ADGRV1: variants seen among roughly 807,000 people sequenced by gnomAD.
ADGRV1 encodes the protein adhesion G protein-coupled receptor V1, also known as G-protein coupled receptor 98.
Under a neutral mutation model 596.2 loss-of-function variants are expected in ADGRV1, and 359 were observed. That is an observed-to-expected ratio of 0.60 (90% CI 0.55 to 0.66). ADGRV1 has a LOEUF of 0.66. Ranked by LOEUF, ADGRV1 falls within the 30% of genes least tolerant of loss-of-function variation. The pLI is 0.00. For missense variants in ADGRV1, 7,274 were observed against 7,575.6 expected (o/e 0.96, Z 1.48); for synonymous variants, 2,681 against 2,679.2 (o/e 1.00, Z -0.02).
Position 90,751,615 on chromosome 5 carries a change from C to T in ADGRV1, c.11121+918C>T, listed in dbSNP as rs189151983. Among the ~76,000 whole-genome samples the T allele has an allele frequency of 8.5e-4, 130 of 152,238 alleles. 1 individual carries two copies. The highest frequency in any genetic ancestry group is 6.0e-3 in the South Asian group (29 of 4,822). On this transcript the variant is annotated intron_variant, in intron 53 of 89. Transcript: ENST00000405460. ...GGATCAGAGAGCCTTTTGTTCCTAG[C>T]TGGAAGATGGGTTGTCTTCTTGGCT...
chr5:90,971,250 A>G (rs1257855127), intron 84 of ADGRV1, among the ~76,000 whole-genome samples: 2 of 152,224 alleles, frequency 1.3e-5, no homozygotes, highest in Non-Finnish European at 2.9e-5. Context: ...TGATGGGGAG[A>G]ATGGAACCAA....
chr5:90,810,855 C>A lies in ADGRV1; in HGVS notation c.15595C>A (p.Pro5199Thr). ...GAAACTTGTCACCCTTCATGGCACA[C>A]CTGCTGTGTCTGAAAAGCCTGATGT... is the stretch of plus-strand genomic sequence containing the variant. ...PEKLVTLHGT[P>T]AVSEKPDVAT... Residue 5199 changes from proline (P) to threonine (T), a missense_variant, in exon 74 of 90, where the codon CCT (proline) becomes ACT (threonine). Physicochemically the swap from Pro to Thr is conservative, Grantham distance 38 (BLOSUM62 -1). Transcript: ENST00000405460. 1.2e-6 allele frequency: 2 copies of A among 1,614,056 alleles called. No homozygotes were observed. Among genetic ancestry groups the A allele is most frequent in the Non-Finnish European group, 1.7e-6 (2 of 1,179,896 alleles).
At chr5:90,947,648 T>G (rs1297546731) in intron 83 of ADGRV1, among the ~76,000 whole-genome samples, 3 of 151,934 alleles carry the variant, frequency 2.0e-5, no homozygotes, top group Admixed American at 2.0e-4. Context: ...ACACCAATAT[T>G]TAAGGGAGGT....
chr5:90,895,906 A>G (rs1771264147), intron 83 of ADGRV1, among the ~76,000 whole-genome samples: 1 of 152,060 alleles, frequency 6.6e-6, no homozygotes, highest in South Asian at 2.1e-4. Flanking sequence ...TTAATTTTTT[A>G]TGAACAGTTG....
At chr5:90,569,354 GATATATAT>G (rs1185532852) in intron 1 of ADGRV1, among the ~76,000 whole-genome samples, 520 of 12,770 alleles carry the variant, frequency 0.041, 71 homozygotes, top group Non-Finnish European at 0.053. Flanking sequence ...CTGTTTGCAT[GATATATAT>G]ATATATATAT....
chr5:90,774,453 G>T, intron 60 of ADGRV1, 150 bp downstream of exon 60: 3 of 571,920 alleles, frequency 5.2e-6, no homozygotes, highest in Admixed American at 3.0e-5. Flanking sequence ...TAAAGGTTAA[G>T]AATTTTTTAA....
At chr5:91,136,683 T>C (rs1336502728) in intron 87 of ADGRV1, among the ~76,000 whole-genome samples, 1 of 152,248 alleles carries the variant, frequency 6.6e-6, no homozygotes, top group African/African-American at 2.4e-5. Context: ...TAATTGGTAT[T>C]GAAATTCCTA....
At chr5:90,913,683 T>C (rs1390778236) in intron 83 of ADGRV1, among the ~76,000 whole-genome samples, 1 of 152,190 alleles carries the variant, frequency 6.6e-6, no homozygotes, top group Non-Finnish European at 1.5e-5. Flanking sequence ...AACTCATGCT[T>C]CTCTTCCCAT....
chr5:90,793,960 A>G (rs1028481104), intron 70 of ADGRV1, among the ~76,000 whole-genome samples: 15 of 152,192 alleles, frequency 9.9e-5, no homozygotes, highest in African/African-American at 3.6e-4. Context: ...CTTCCAAGGA[A>G]CTGTTTGGGG....
At chr5:90,796,788 A>G (rs1355280173) in intron 70 of ADGRV1, among the ~76,000 whole-genome samples, 1 of 152,234 alleles carries the variant, frequency 6.6e-6, no homozygotes, top group Non-Finnish European at 1.5e-5. Context: ...CACAAACCCT[A>G]CAAGCCAGAA....
Position 90,848,310 on chromosome 5 carries a change from A to C in ADGRV1, c.17020-327A>C, listed in dbSNP as rs74983029. 8.5e-5 allele frequency among the ~76,000 whole-genome samples: 13 copies of C among 152,246 alleles called. 1 individual carries two copies. The East Asian group carries it at 1.9e-3, about 23-fold the overall frequency. On this transcript the variant is annotated intron_variant, in intron 78 of 89. Coordinates refer to ENST00000405460, the MANE Select transcript of ADGRV1 (RefSeq NM_032119.4). Reference sequence around the variant, plus strand: ...TAAGAATCCCTAGGGTAGATGTAAAAGTGAGACTAATTTTAACTCATGATG... The same window carrying C: ...TAAGAATCCCTAGGGTAGATGTAAACGTGAGACTAATTTTAACTCATGATG...
rs1454181893 is a variant in ADGRV1, at chr5:90,759,413, C to T, written c.11945C>T (p.Thr3982Ile). The change falls in exon 58 of 90, where the codon ACT becomes ATT. Residue 3982 changes from threonine (T) to isoleucine (I), a missense_variant. Physicochemically the swap from Thr to Ile is moderately conservative, Grantham distance 89. This residue lies in a region of ADGRV1 where 3,643 missense variants were observed against 3,809.2 expected (regional missense o/e 0.96). Transcript: ENST00000405460. Reference protein sequence around the residue: ...GILEFADKQVTAMIEITIIDD... With the variant: ...GILEFADKQVIAMIEITIIDD... ...CTTCCTTCCTTTCTTTCATAGGTTA[C>T]TGCAATGATAGAAATCACCATAATT... is the stretch of plus-strand genomic sequence containing the variant. 3 of 1,551,168 alleles carry T rather than the reference C, an allele frequency of 1.9e-6. No homozygotes were observed. The African/African-American group carries it at 4.1e-5, about 21-fold the overall frequency.
rs577648001 is a variant in ADGRV1, at chr5:90,846,849, C to T, written c.17020-1788C>T. ...CTGATTGGTCCGTTTTACAGAGAGC[C>T]GATTGGTCTGTTTTACAGAGCGCTG... On this transcript the variant is annotated intron_variant, in intron 78 of 89. Coordinates refer to ENST00000405460, the MANE Select transcript of ADGRV1 (RefSeq NM_032119.4). Among the ~76,000 whole-genome samples, 177 of 152,230 alleles carry T rather than the reference C, an allele frequency of 1.2e-3. 1 individual carries two copies. The highest frequency in any genetic ancestry group is 4.1e-3 in the African/African-American group (170 of 41,528).
At chr5:90,817,462 G>C (rs1763014216) in intron 75 of ADGRV1, among the ~76,000 whole-genome samples, 1 of 151,212 alleles carries the variant, frequency 6.6e-6, no homozygotes, top group Non-Finnish European at 1.5e-5. Flanking sequence ...CATTGCTTTT[G>C]GTGTTTTGGA....
intron 48 of ADGRV1, among the ~76,000 whole-genome samples, chr5:90,728,365 G>A (rs1450259294): frequency 6.6e-6 from 1 of 152,034 alleles, no homozygotes; most frequent in African/African-American, 2.4e-5. Context: ...CCCTTTCCCT[G>A]CTGTCAACAA....
chr5:90,909,645 CAG>C (rs1296024413), intron 83 of ADGRV1, among the ~76,000 whole-genome samples: 1 of 136,530 alleles, frequency 7.3e-6, no homozygotes, highest in African/African-American at 2.6e-5. Flanking sequence ...GAGAGAGAGA[CAG>C]AGAGAGAGAT....
At chr5:90,607,464 C>T (rs994943142) in intron 1 of ADGRV1, among the ~76,000 whole-genome samples, 1 of 152,028 alleles carries the variant, frequency 6.6e-6, no homozygotes, top group Non-Finnish European at 1.5e-5. Context: ...ATGATGTGAG[C>T]CGTGTTTGTG....
intron 85 of ADGRV1, among the ~76,000 whole-genome samples, chr5:91,064,398 A>G (rs1337892296): frequency 6.6e-6 from 1 of 152,270 alleles, no homozygotes; most frequent in East Asian, 1.9e-4. Context: ...CATAACAATA[A>G]TGGGTTCTAG....
intron 7 of ADGRV1, 115 bp downstream of exon 7, chr5:90,627,891 C>A: frequency 1.8e-6 from 1 of 546,372 alleles, no homozygotes; most frequent in Non-Finnish European, 3.0e-6. Context: ...TTTTTTCCCA[C>A]AAAGTTTCAT....
Sources: gnomAD v4.1 joint callset for allele counts (sites outside exome capture counted in the v4.1 genomes callset) on GRCh38, gnomAD v4.1.1 for gene constraint, gnomAD v4.1.1 regional missense constraint, MANE v1.5 for transcripts, NCBI Gene and HGNC (gene_info 2026-07-23, HGNC 2026-07-21) for gene names.